Variants in CPNE8 observed in about 807,000 individuals in gnomAD.
CPNE8 encodes the protein copine 8, also known as copine-8.
CPNE8 carries 45 observed loss-of-function variants against 81.5 expected under a neutral mutation model. The observed-to-expected ratio is 0.55, with a 90% CI of 0.44 to 0.71. The LOEUF (loss-of-function observed/expected upper bound fraction) is 0.71, where lower values mean the gene tolerates loss of function less well. Ranked by LOEUF, CPNE8 falls within the 30% of genes least tolerant of loss-of-function variation. The probability of loss-of-function intolerance (pLI) is 0.00; values close to 1 mark genes in which losing one functional copy is unlikely to be tolerated. For missense variants in CPNE8, 594 were observed against 672.1 expected, an observed-to-expected ratio of 0.88 and a Z score of 1.28; for synonymous variants, 252 against 226.3, an observed-to-expected ratio of 1.11 and a Z score of -1.02.
At chr12:38,793,168 G>C (rs1406550053) in intron 6 of CPNE8, among the ~76,000 whole-genome samples, 1 of 142,410 alleles carries the variant, frequency 7.0e-6, no homozygotes, top group East Asian at 1.9e-4. Flanking sequence ...CAAGAGGAAG[G>C]CAAGTATGCC....
intron 6 of CPNE8, among the ~76,000 whole-genome samples, chr12:38,826,936 G>A (rs1180343116): frequency 2.7e-5 from 4 of 150,714 alleles, no homozygotes; most frequent in Admixed American, 6.6e-5. Context: ...TTGGGAGGCC[G>A]AGGCGGGCAG....
intron 16 of CPNE8, among the ~76,000 whole-genome samples, chr12:38,684,551 A>G (rs1405677797): frequency 6.6e-6 from 1 of 152,148 alleles, no homozygotes; most frequent in African/African-American, 2.4e-5. Flanking sequence ...TCCACAGGGA[A>G]GTTGCACTGG....
intron 2 of CPNE8, 31 bp downstream of exon 2, chr12:38,874,440 A>AT (rs759965485): frequency 5.1e-6 from 8 of 1,554,074 alleles, no homozygotes; most frequent in Non-Finnish European, 7.1e-6. Flanking sequence ...AAATCAAATG[A>AT]TTTTTCAAAA....
At chr12:38,685,403 C>CA (rs1359649157) in intron 16 of CPNE8, 87 bp downstream of exon 16, 1 of 1,404,184 alleles carries the variant, frequency 7.1e-7, no homozygotes, top group African/African-American at 1.5e-5. Flanking sequence ...AAACAACTTT[C>CA]ATGTGTGGAG....
intron 6 of CPNE8, among the ~76,000 whole-genome samples, chr12:38,812,552 C>A (rs936555249): frequency 6.6e-6 from 1 of 152,166 alleles, no homozygotes; most frequent in African/African-American, 2.4e-5. Context: ...ACGGTAACCA[C>A]CCCCATGATT....
intron 19 of CPNE8, among the ~76,000 whole-genome samples, chr12:38,657,305 G>A (rs1938843293): frequency 6.6e-6 from 1 of 152,170 alleles, no homozygotes; most frequent in African/African-American, 2.4e-5. Flanking sequence ...CGACCTGCGA[G>A]GCTGCAGCCT....
intron 19 of CPNE8, among the ~76,000 whole-genome samples, chr12:38,661,158 T>C (rs1046507700): frequency 6.6e-6 from 1 of 152,112 alleles, no homozygotes. Flanking sequence ...CACATGCACA[T>C]GTATGTTTAT....
chr12:38,735,531 T>C (rs1940933750), intron 10 of CPNE8, among the ~76,000 whole-genome samples: 1 of 152,076 alleles, frequency 6.6e-6, no homozygotes, highest in Admixed American at 6.6e-5. Context: ...GCTAACTTTC[T>C]TTGCTTTTGT....
intron 13 of CPNE8, among the ~76,000 whole-genome samples, chr12:38,703,679 C>T (rs1317542020): frequency 2.6e-5 from 4 of 152,096 alleles, no homozygotes; most frequent in African/African-American, 9.7e-5. Context: ...ACACACCACT[C>T]GATTCTATAC....
chr12:38,852,753 G>T (rs984997145), intron 3 of CPNE8, among the ~76,000 whole-genome samples: 6 of 151,900 alleles, frequency 3.9e-5, no homozygotes, highest in Admixed American at 6.6e-5. Flanking sequence ...AAATATCAAG[G>T]TTCAGAAAAT....
chr12:38,759,697 C>T (rs191092406), intron 10 of CPNE8, among the ~76,000 whole-genome samples: 10 of 152,228 alleles, frequency 6.6e-5, no homozygotes, highest in Admixed American at 3.9e-4. Context: ...GAATAATAAT[C>T]TCCACTTCCC....
At chr12:38,877,203 T>C (rs901097176) in intron 1 of CPNE8, among the ~76,000 whole-genome samples, 5 of 152,114 alleles carry the variant, frequency 3.3e-5, no homozygotes, top group African/African-American at 2.4e-5. Context: ...ACCTACCACA[T>C]GAATATAAAG....
intron 1 of CPNE8, 38 bp from the exon 2 acceptor site, chr12:38,874,549 A>C: frequency 1.5e-6 from 2 of 1,362,226 alleles, no homozygotes; most frequent in Non-Finnish European, 2.1e-6. Flanking sequence ...TGGATATAAA[A>C]GCAAAATATT....
chr12:38,756,672 T>G (rs1941467336), intron 10 of CPNE8, among the ~76,000 whole-genome samples: 1 of 152,234 alleles, frequency 6.6e-6, no homozygotes, highest in Non-Finnish European at 1.5e-5. Context: ...TACAGATATC[T>G]GACCAGCTTT....
intron 6 of CPNE8, among the ~76,000 whole-genome samples, chr12:38,777,517 C>T (rs1316724130): frequency 6.6e-6 from 1 of 151,984 alleles, no homozygotes; most frequent in African/African-American, 2.4e-5. Flanking sequence ...GTTTATAAAG[C>T]CTACAGTAGT....
At chr12:38,802,795 A>G (rs940801768) in intron 6 of CPNE8, among the ~76,000 whole-genome samples, 7 of 141,218 alleles carry the variant, frequency 5.0e-5, no homozygotes, top group East Asian at 2.3e-4. Context: ...GAAGAATCAA[A>G]TAGACACAAT....
intron 6 of CPNE8, among the ~76,000 whole-genome samples, chr12:38,776,841 A>C (rs535453457): frequency 6.6e-6 from 1 of 152,134 alleles, no homozygotes; most frequent in African/African-American, 2.4e-5. Context: ...CTTAGCACAG[A>C]GCATTACTCA....
intron 1 of CPNE8, among the ~76,000 whole-genome samples, chr12:38,895,917 T>C (rs1027712770): frequency 6.6e-6 from 1 of 152,140 alleles, no homozygotes; most frequent in African/African-American, 2.4e-5. Flanking sequence ...ACTTACTAGA[T>C]ACGTGACTTA....
intron 6 of CPNE8, among the ~76,000 whole-genome samples, chr12:38,786,667 A>G (rs764441164): frequency 6.6e-6 from 1 of 152,182 alleles, no homozygotes; most frequent in East Asian, 1.9e-4. Context: ...GCAAATGGAA[A>G]CCAAATAAGA....
Sources: gnomAD v4.1 joint callset for allele counts (sites outside exome capture counted in the v4.1 genomes callset) on GRCh38, gnomAD v4.1.1 for gene constraint, MANE v1.5 for transcripts, NCBI Gene and HGNC (gene_info 2026-07-23, HGNC 2026-07-21) for gene names.